Variants in RABGAP1L observed in about 807,000 individuals in gnomAD.
RABGAP1L encodes rab GTPase-activating protein 1-like.
A neutral mutation model predicts 137.7 loss-of-function variants in RABGAP1L; 63 were observed. The ratio of observed to expected loss-of-function variants is 0.46; its 90% CI spans 0.37 to 0.56. The LOEUF is 0.56. Among genes scored for constraint, RABGAP1L ranks in the 20% least tolerant of loss-of-function variants. The probability of loss-of-function intolerance (pLI) is 0.00; values close to 1 mark genes in which losing one functional copy is unlikely to be tolerated. For missense variants in RABGAP1L, 1,095 were observed against 1,244.0 expected, an observed-to-expected ratio of 0.88 and a Z score of 1.80; for synonymous variants, 431 against 433.7, an observed-to-expected ratio of 0.99 and a Z score of 0.08.
intron 13 of RABGAP1L, among the ~76,000 whole-genome samples, chr1:174,496,011 A>G (rs1660701108): frequency 6.6e-6 from 1 of 152,180 alleles, no homozygotes. Flanking sequence ...AAGCCACCAC[A>G]TCCAGCCAAG....
intron 12 of RABGAP1L, among the ~76,000 whole-genome samples, chr1:174,382,321 A>G (rs1437548494): frequency 8.2e-5 from 1 of 12,178 alleles, no homozygotes; most frequent in Admixed American, 1.4e-3. Context: ...TATTTCCTGA[A>G]TCTGAACGTT....
chr1:174,541,630 GC>G (rs1215767638), intron 13 of RABGAP1L, among the ~76,000 whole-genome samples: 4 of 152,002 alleles, frequency 2.6e-5, no homozygotes, highest in Non-Finnish European at 5.9e-5. Context: ...CAAAAAATTA[GC>G]CAGGCAGGGT....
At chr1:174,170,835 AAAGAT>A (rs1665315856) in intron 1 of RABGAP1L, among the ~76,000 whole-genome samples, 1 of 152,148 alleles carries the variant, frequency 6.6e-6, no homozygotes, top group Admixed American at 6.5e-5. Context: ...GAGAATCAAA[AAAGAT>A]AAGATGTACA....
chr1:174,885,113 G>A (rs1457722467), intron 19 of RABGAP1L, among the ~76,000 whole-genome samples: 2 of 152,108 alleles, frequency 1.3e-5, no homozygotes, highest in East Asian at 1.9e-4. Flanking sequence ...AAAGTAGTCC[G>A]GACTGAAATC....
At position 174,291,276 on chromosome 1, in the gene RABGAP1L, T is replaced by A. The variant is rs556253109; in HGVS notation, c.1323+12497T>A. 3.8e-3 allele frequency among the ~76,000 whole-genome samples: 580 copies of A among 152,184 alleles called. 4 individuals are homozygous for A. The highest frequency in any genetic ancestry group is 0.012 in the African/African-American group (500 of 41,528). On this transcript the variant is annotated intron_variant, in intron 10 of 25. Coordinates refer to ENST00000681986, the MANE Select transcript of RABGAP1L (RefSeq NM_001366446.1). ...TATATTGAATTACATTGATTTTTTT[T>A]AAACATTAAGCCAACCTTGCATTCC...
At chr1:174,790,117 C>T (rs921516113) in intron 18 of RABGAP1L, among the ~76,000 whole-genome samples, 7 of 151,250 alleles carry the variant, frequency 4.6e-5, no homozygotes, top group South Asian at 2.1e-4. Flanking sequence ...GGCTGAGACA[C>T]GAGGATAACT....
intron 17 of RABGAP1L, among the ~76,000 whole-genome samples, chr1:174,728,428 C>T (rs1461786566): frequency 6.6e-6 from 1 of 152,066 alleles, no homozygotes; most frequent in Non-Finnish European, 1.5e-5. Flanking sequence ...AGTGAAAGAT[C>T]TCTACAAGGA....
intron 19 of RABGAP1L, among the ~76,000 whole-genome samples, chr1:174,937,992 T>C (rs1665194331): frequency 6.6e-6 from 1 of 152,042 alleles, no homozygotes; most frequent in South Asian, 2.1e-4. Context: ...ATTACAGGCA[T>C]GAGCCACCGT....
At chr1:174,715,436 C>T (rs1318025963) in intron 17 of RABGAP1L, among the ~76,000 whole-genome samples, 1 of 152,162 alleles carries the variant, frequency 6.6e-6, no homozygotes, top group Non-Finnish European at 1.5e-5. Flanking sequence ...GATAAACTTT[C>T]AGACTTACTG....
rs775302690 is a variant in RABGAP1L, at chr1:174,370,941, T to G, written c.1466-38T>G. The G allele has an allele frequency of 2.6e-6, 3 of 1,149,410 alleles. No individual in the cohort carries two copies. In the Admixed American group the frequency reaches 5.6e-5, roughly 21 times the overall value. 71.2% of individuals were successfully genotyped at this position (1,149,410 alleles called of 1,614,324 possible). A position where few individuals can be genotyped will look rare whatever the true frequency, so the allele number is the denominator to read the frequency against. ...TATATAAAGTATCTACTGTAATATA[T>G]AAAATAATGTTTGTTGGTTTTTGCG... On this transcript the variant is annotated intron_variant, in intron 11 of 25. Coordinates refer to ENST00000681986, the MANE Select transcript of RABGAP1L (RefSeq NM_001366446.1).
At chr1:174,486,016 T>C (rs1162113817) in intron 13 of RABGAP1L, among the ~76,000 whole-genome samples, 1 of 152,164 alleles carries the variant, frequency 6.6e-6, no homozygotes, top group Non-Finnish European at 1.5e-5. Context: ...TTGTTGTTTG[T>C]TATTGGTCTG....
chr1:174,910,590 C>T (rs1659900050), intron 19 of RABGAP1L, among the ~76,000 whole-genome samples: 1 of 152,050 alleles, frequency 6.6e-6, no homozygotes, highest in Non-Finnish European at 1.5e-5. Flanking sequence ...AAATAAAGGA[C>T]ATCCAAATTG....
chr1:174,541,804 G>T (rs191871533), intron 13 of RABGAP1L, among the ~76,000 whole-genome samples: 1 of 152,108 alleles, frequency 6.6e-6, no homozygotes, highest in African/African-American at 2.4e-5. Flanking sequence ...TAGCGTGAAG[G>T]GCTGTTGAAT....
intron 11 of RABGAP1L, among the ~76,000 whole-genome samples, chr1:174,339,414 T>C (rs1681769808): frequency 6.6e-6 from 1 of 152,192 alleles, no homozygotes; most frequent in Admixed American, 6.5e-5. Context: ...CCTAAACAAG[T>C]TGTCAGTATT....
Position 174,960,191 on chromosome 1 carries a change from T to C in RABGAP1L, c.2433+2642T>C, listed in dbSNP as rs111862836. 1.7e-3 allele frequency among the ~76,000 whole-genome samples: 253 copies of C among 152,316 alleles called. 1 individual carries two copies. The highest frequency in any genetic ancestry group is 5.9e-3 in the African/African-American group (244 of 41,582). On this transcript the variant is annotated intron_variant, in intron 20 of 25. Coordinates refer to ENST00000681986, the MANE Select transcript of RABGAP1L (RefSeq NM_001366446.1). ...AGAAGGTTGTGGGAAATTTATTTTT[T>C]AAAGCCCACATATGTTATATAATAA...
intron 1 of RABGAP1L, among the ~76,000 whole-genome samples, chr1:174,162,615 G>T (rs999591730): frequency 4.0e-4 from 61 of 152,168 alleles, no homozygotes; most frequent in African/African-American, 1.4e-3. Flanking sequence ...AAGCCTATGG[G>T]ATTCCCAGGC....
At chr1:174,478,759 C>T (rs1319575000) in intron 13 of RABGAP1L, among the ~76,000 whole-genome samples, 1 of 152,158 alleles carries the variant, frequency 6.6e-6, no homozygotes, top group African/African-American at 2.4e-5. Context: ...ATACAACTTA[C>T]AAACCGTTGC....
chr1:174,303,197 A>G (rs771266381), intron 10 of RABGAP1L, among the ~76,000 whole-genome samples: 5 of 151,990 alleles, frequency 3.3e-5, no homozygotes, highest in African/African-American at 4.8e-5. Flanking sequence ...CATGTTTTAT[A>G]TAGACATTCT....
intron 17 of RABGAP1L, among the ~76,000 whole-genome samples, chr1:174,709,797 A>G (rs1175519495): frequency 6.6e-6 from 1 of 152,208 alleles, no homozygotes; most frequent in Non-Finnish European, 1.5e-5. Flanking sequence ...CCTTGCCAGC[A>G]AGAGAATAGA....
Sources: gnomAD v4.1 joint callset for allele counts (sites outside exome capture counted in the v4.1 genomes callset) on GRCh38, gnomAD v4.1.1 for gene constraint, MANE v1.5 for transcripts, NCBI Gene and HGNC (gene_info 2026-07-23, HGNC 2026-07-21) for gene names.